Variants in KCNH8 observed in about 807,000 individuals in gnomAD.
KCNH8 encodes potassium voltage-gated channel subfamily H member 8.
Under a neutral mutation model 103.6 loss-of-function variants are expected in KCNH8, and 70 were observed. That is an observed-to-expected ratio of 0.68 (90% CI 0.56 to 0.82). The LOEUF is 0.82. KCNH8 is among the 40% of genes least tolerant of loss of function. KCNH8 has a pLI of 0.00. For synonymous variants in KCNH8, 498 were observed against 489.4 expected, an observed-to-expected ratio of 1.02 and a Z score of -0.23; for missense variants, 1,217 against 1,329.9, an observed-to-expected ratio of 0.92 and a Z score of 1.32.
chr3:19,528,470 TA>T (rs1425882856), intron 15 of KCNH8, among the ~76,000 whole-genome samples: 2 of 152,110 alleles, frequency 1.3e-5, no homozygotes, highest in Admixed American at 6.6e-5. Context: ...GACATATTTC[TA>T]CAATTATGAA....
chr3:19,419,205 T>TC (rs1413710880), intron 7 of KCNH8, among the ~76,000 whole-genome samples: 3 of 140,090 alleles, frequency 2.1e-5, no homozygotes, highest in African/African-American at 8.0e-5. Context: ...GTTTTTTTTT[T>TC]TTTTTTTTTT....
chr3:19,533,367 T>C (rs113332071), intron 15 of KCNH8, 28 bp from the exon 16 acceptor site: 2 of 1,455,850 alleles, frequency 1.4e-6, no homozygotes, highest in Non-Finnish European at 9.6e-7. Flanking sequence ...CTCTAACTAT[T>C]GTCTTTCACT....
In KCNH8 at chr3:19,533,782, G is replaced by C; in HGVS notation, c.3007G>C (p.Glu1003Gln). The change falls in exon 16 of 16, where the codon GAA becomes CAA. Residue 1003 changes from glutamate (E) to glutamine (Q), a missense_variant. This residue lies in a region of KCNH8 where 558 missense variants were observed against 495.8 expected (regional missense o/e 1.13). Transcript: ENST00000328405. The stretch of plus-strand genomic sequence containing the variant: ...ACCTTCCCACTACCAGGTTGTCCAA[G>C]AAGGTCATTTGCAATTTTTAAGGTG... ...YSPSHYQVVQEGHLQFLRCIS... is the reference protein window; with the variant it reads ...YSPSHYQVVQQGHLQFLRCIS... 4 of 1,614,180 alleles carry C rather than the reference G, an allele frequency of 2.5e-6. No homozygotes were observed. Among genetic ancestry groups the C allele is most frequent in the Non-Finnish European group, 3.4e-6 (4 of 1,180,012 alleles).
intron 1 of KCNH8, among the ~76,000 whole-genome samples, chr3:19,151,609 A>G (rs1384899136): frequency 6.6e-6 from 1 of 152,156 alleles, no homozygotes; most frequent in Admixed American, 6.5e-5. Flanking sequence ...AAAAATAAAT[A>G]TATGACAACA....
chr3:19,190,697 A>C (rs1165537497), intron 1 of KCNH8, among the ~76,000 whole-genome samples: 1 of 151,952 alleles, frequency 6.6e-6, no homozygotes, highest in African/African-American at 2.4e-5. Flanking sequence ...TAATTTACTG[A>C]AGCAACAAGT....
At chr3:19,330,363 T>A (rs1332251877) in intron 3 of KCNH8, among the ~76,000 whole-genome samples, 1 of 152,170 alleles carries the variant, frequency 6.6e-6, no homozygotes, top group East Asian at 1.9e-4. Context: ...CTCAATTACG[T>A]CTATTTTTCC....
At chr3:19,157,676 C>A (rs531981590) in intron 1 of KCNH8, among the ~76,000 whole-genome samples, 1 of 152,038 alleles carries the variant, frequency 6.6e-6, no homozygotes, top group South Asian at 2.1e-4. Context: ...AAAGTGGTTT[C>A]TTGTGATTGT....
At chr3:19,240,166 A>G (rs945267229) in intron 1 of KCNH8, among the ~76,000 whole-genome samples, 1 of 151,952 alleles carries the variant, frequency 6.6e-6, no homozygotes, top group African/African-American at 2.4e-5. Context: ...GGCTCATTTG[A>G]TGGTTTCTCC....
rs546071660 is a variant in KCNH8, at chr3:19,390,744, TC to T, written c.969+107del. ...TTTATGCTTCCAGGGTTTTGTGCCT[TC>T]TTCAATAAAGATGCCCTGATGCCCA... On this transcript the variant is annotated intron_variant, in intron 6 of 15. Coordinates refer to ENST00000328405, the MANE Select transcript of KCNH8 (RefSeq NM_144633.3). The T allele has an allele frequency of 8.5e-4, 956 of 1,129,742 alleles. 10 individuals are homozygous for T. The African/African-American group carries it at 0.014, about 16-fold the overall frequency. 70.0% of individuals were successfully genotyped at this position (1,129,742 alleles called of 1,614,324 possible).
intron 1 of KCNH8, among the ~76,000 whole-genome samples, chr3:19,251,311 A>G (rs2064274565): frequency 1.3e-5 from 2 of 152,102 alleles, no homozygotes; most frequent in Admixed American, 6.6e-5. Context: ...TTATGAGTCT[A>G]GGGTAATGCA....
At chr3:19,174,115 T>A (rs527963511) in intron 1 of KCNH8, among the ~76,000 whole-genome samples, 2 of 151,976 alleles carry the variant, frequency 1.3e-5, no homozygotes, top group East Asian at 3.9e-4. Flanking sequence ...TAAAAAGAAG[T>A]AAGAAAAAGA....
intron 1 of KCNH8, among the ~76,000 whole-genome samples, chr3:19,213,992 C>A (rs2063794965): frequency 1.3e-5 from 2 of 152,138 alleles, no homozygotes; most frequent in African/African-American, 2.4e-5. Flanking sequence ...CTGAAGTGCT[C>A]CTATTGCTGA....
At chr3:19,441,030 C>A (rs2125174079) in intron 8 of KCNH8, among the ~76,000 whole-genome samples, 1 of 152,246 alleles carries the variant, frequency 6.6e-6, no homozygotes, top group East Asian at 1.9e-4. Context: ...GGAAGACTGG[C>A]AGGCAGGAGG....
intron 11 of KCNH8, among the ~76,000 whole-genome samples, chr3:19,475,044 A>T (rs1351531793): frequency 6.6e-6 from 1 of 152,194 alleles, no homozygotes; most frequent in Non-Finnish European, 1.5e-5. Flanking sequence ...AAGAATCTAA[A>T]GCTTTGAGTT....
At chr3:19,452,884 T>TA (rs1470488784) in intron 10 of KCNH8, among the ~76,000 whole-genome samples, 4 of 152,090 alleles carry the variant, frequency 2.6e-5, no homozygotes, top group African/African-American at 4.8e-5. Context: ...TTTCTAATTT[T>TA]AAAAAAACCC....
chr3:19,499,333 CA>C (rs2068522791), intron 11 of KCNH8, among the ~76,000 whole-genome samples: 1 of 152,038 alleles, frequency 6.6e-6, no homozygotes, highest in Non-Finnish European at 1.5e-5. Context: ...CTGAAAGTCA[CA>C]AGGAGAATGG....
In KCNH8 at chr3:19,535,577, A is replaced by T. The variant is rs2069248739; in HGVS notation, c.*1478A>T. ...AAGATATATTGGGTTCACATTCTGGAGTTCTCTTTATTTTCCACCACAAAA... is the reference window on the plus strand; with the variant it reads ...AAGATATATTGGGTTCACATTCTGGTGTTCTCTTTATTTTCCACCACAAAA... On this transcript the variant is annotated 3_prime_UTR_variant, in exon 16 of 16. Transcript: ENST00000328405. 6.6e-6 allele frequency: 1 copy of T among 152,204 alleles called. No individual in the cohort carries two copies. Among genetic ancestry groups the T allele is most frequent in the South Asian group, 2.1e-4 (1 of 4,836 alleles). 9.4% of individuals were successfully genotyped at this position (152,204 alleles called of 1,614,324 possible). A position where few individuals can be genotyped will look rare whatever the true frequency, so the allele number is the denominator to read the frequency against.
chr3:19,185,180 T>C (rs999917937), intron 1 of KCNH8, among the ~76,000 whole-genome samples: 2 of 151,934 alleles, frequency 1.3e-5, no homozygotes, highest in African/African-American at 4.8e-5. Flanking sequence ...TGTAAGCTTA[T>C]GTTTAACTTT....
At chr3:19,251,346 A>G (rs1433485104) in intron 1 of KCNH8, among the ~76,000 whole-genome samples, 3 of 152,058 alleles carry the variant, frequency 2.0e-5, no homozygotes, top group African/African-American at 7.2e-5. Context: ...CCTCAAAACA[A>G]TGTATAATTG....
Sources: gnomAD v4.1 joint callset for allele counts (sites outside exome capture counted in the v4.1 genomes callset) on GRCh38, gnomAD v4.1.1 for gene constraint, gnomAD v4.1.1 regional missense constraint, MANE v1.5 for transcripts, NCBI Gene and HGNC (gene_info 2026-07-23, HGNC 2026-07-21) for gene names.